The following ZNF12 variants were observed in gnomAD, a reference collection of about 807,000 sequenced individuals.
ZNF12 encodes the protein gonadotropin inducible transcription repressor 3.
ZNF12 carries 34 observed loss-of-function variants against 66.6 expected under a neutral mutation model. The ratio of observed to expected loss-of-function variants is 0.51; its 90% CI spans 0.39 to 0.68. The LOEUF (loss-of-function observed/expected upper bound fraction) is 0.68, where lower values mean the gene tolerates loss of function less well. ZNF12 is among the 30% of genes least tolerant of loss of function. ZNF12 has a pLI of 0.00. For missense variants in ZNF12, 697 were observed against 826.9 expected, an observed-to-expected ratio of 0.84 and a Z score of 1.93; for synonymous variants, 320 against 278.9, an observed-to-expected ratio of 1.15 and a Z score of -1.47.
chr7:6,698,007 A>G lies in ZNF12; in HGVS notation c.16-196T>C. The G allele has an allele frequency of 2.5e-6, 2 of 796,042 alleles. No individual in the cohort carries two copies. Among genetic ancestry groups the G allele is most frequent in the Non-Finnish European group, 4.4e-6 (2 of 450,426 alleles). The allele number at this position is 796,042 out of a possible 1,614,324, so 49.3% of individuals were successfully genotyped here. On this transcript the variant is annotated intron_variant, in intron 2 of 4. Transcript: ENST00000405858. This position sits in a 1 kb window ranked among gnomAD's most constrained non-coding sequence, Gnocchi z 4.4. ...CAGTATACATCAAACAAAAAACAAA[A>G]AACAAAAAAACAACACTGGGATTGC... is the stretch of plus-strand genomic sequence containing the variant.
intron 2 of ZNF12, among the ~76,000 whole-genome samples, chr7:6,703,421 A>G (rs1484422042): frequency 6.6e-6 from 1 of 152,226 alleles, no homozygotes; most frequent in Non-Finnish European, 1.5e-5. Context: ...GACAGGATAA[A>G]AACCATCTAG....
Position 6,698,136 on chromosome 7 carries a change from G to C in ZNF12, c.16-325C>G. On this transcript the variant is annotated intron_variant, in intron 2 of 4. Transcript: ENST00000405858. This position sits in a 1 kb window ranked among gnomAD's most constrained non-coding sequence, Gnocchi z 4.4. ...GCCTGGGGACACTCACAGAACCCCA[G>C]GATGCACTCTGCTTCTTTGCACATT... The C allele has an allele frequency of 1.9e-6, 1 of 520,694 alleles. No homozygotes were observed. Among genetic ancestry groups the C allele is most frequent in the East Asian group, 4.8e-5 (1 of 21,038 alleles). The allele number at this position is 520,694 out of a possible 1,614,324, so 32.3% of individuals were successfully genotyped here. A position where few individuals can be genotyped will look rare whatever the true frequency, so the allele number is the denominator to read the frequency against.
intron 2 of ZNF12, among the ~76,000 whole-genome samples, chr7:6,704,769 A>G (rs78321362): frequency 6.8e-6 from 1 of 146,438 alleles, no homozygotes; most frequent in Non-Finnish European, 1.5e-5. Context: ...AAAAAAAAAA[A>G]AAGAAAGGCA....
chr7:6,697,913 CT>C lies in ZNF12; in HGVS notation c.16-103del, dbSNP rs1253528110. 1.6e-6 allele frequency: 2 copies of C among 1,283,272 alleles called. No individual in the cohort carries two copies. Among genetic ancestry groups the C allele is most frequent in the African/African-American group, 2.9e-5 (2 of 68,270 alleles). The allele number at this position is 1,283,272 out of a possible 1,614,324, so 79.5% of individuals were successfully genotyped here. ...AAAATTAACCATGAACACTGTATACCTTTATTTTATGTTACAGACTGTCAAA... is the reference window on the plus strand; with the variant it reads ...AAAATTAACCATGAACACTGTATACCTTATTTTATGTTACAGACTGTCAAA... On this transcript the variant is annotated intron_variant, in intron 2 of 4. Coordinates refer to ENST00000405858, the MANE Select transcript of ZNF12 (RefSeq NM_016265.4). The surrounding 1 kb of genome is among the most constrained non-coding windows in gnomAD (Gnocchi z 6.1).
chr7:6,700,336 C>CACACAT (rs59783256), intron 2 of ZNF12, among the ~76,000 whole-genome samples: 82 of 143,068 alleles, frequency 5.7e-4, no homozygotes, highest in Admixed American at 1.7e-3. Context: ...CACACACACA[C>CACACAT]ATATATATAC....
intron 2 of ZNF12, among the ~76,000 whole-genome samples, chr7:6,700,659 G>C (rs1780226369): frequency 1.3e-5 from 2 of 152,068 alleles, no homozygotes; most frequent in South Asian, 4.1e-4. Flanking sequence ...TTTCAAATTA[G>C]AAGGCTTGAA....
At position 6,692,683 on chromosome 7, in the gene ZNF12, C is replaced by G. The variant is rs750812603; in HGVS notation, c.259G>C (p.Asp87His). The G allele has an allele frequency of 6.3e-7, 1 of 1,580,880 alleles. No individual in the cohort carries two copies. Among genetic ancestry groups the G allele is most frequent in the East Asian group, 2.2e-5 (1 of 44,492 alleles). ...TCTTCCTGGATTCTCTCTATTAGGT[C>G]ATCAGTTTGCCAGACTTCATCTAAA... ...SYPDEVWQTD[D>H]LIERIQEEEN... Residue 87 changes from aspartate (D) to histidine (H), a missense_variant, in exon 5 of 5, where the codon GAC becomes CAC. By Grantham distance (81) the Asp-to-His change is moderately conservative. This residue lies in a region of ZNF12 where 241 missense variants were observed against 224.0 expected (regional missense o/e 1.08). Coordinates refer to ENST00000405858, the MANE Select transcript of ZNF12 (RefSeq NM_016265.4). The surrounding 1 kb of genome is among the most constrained non-coding windows in gnomAD (Gnocchi z 5.1).
Position 6,691,479 on chromosome 7 carries a change from G to T in ZNF12, c.1463C>A (p.Thr488Lys). Reference protein sequence around the residue: ...SALMRHQRVHTGEKPYECNEC... With the variant: ...SALMRHQRVHKGEKPYECNEC... ...ATTACATTCGTAAGGTTTCTCTCCT[G>T]TGTGCACTCTCTGATGTCTCATGAG... Residue 488 changes from threonine to lysine, a missense_variant, in exon 5 of 5, where the codon ACA becomes AAA. Around this residue, in one of 3 missense-constraint regions of ZNF12, gnomAD observed 401 missense variants for 519.0 expected, o/e 0.77. Transcript: ENST00000405858. The T allele has an allele frequency of 1.2e-6, 2 of 1,614,050 alleles. No individual in the cohort carries two copies. Among genetic ancestry groups the T allele is most frequent in the Non-Finnish European group, 1.7e-6 (2 of 1,179,988 alleles).
Position 6,706,728 on chromosome 7 carries a change from G to A in ZNF12, c.-347C>T. The A allele has an allele frequency of 8.2e-6, 2 of 243,506 alleles. No homozygotes were observed. The highest frequency in any genetic ancestry group is 7.7e-5 in the South Asian group (2 of 26,118). 15.1% of individuals were successfully genotyped at this position (243,506 alleles called of 1,614,324 possible). A position where few individuals can be genotyped will look rare whatever the true frequency, so the allele number is the denominator to read the frequency against. ...TTCGCCTCCGCCGTCGTCACCGCCC[G>A]GCCGGCCCCTTGGGCCCCAGCGCCG... is the stretch of plus-strand genomic sequence containing the variant. On this transcript the variant is annotated 5_prime_UTR_variant, in exon 1 of 5. Coordinates refer to ENST00000405858, the MANE Select transcript of ZNF12 (RefSeq NM_016265.4).
At position 6,706,499 on chromosome 7, in the gene ZNF12, C is replaced by T. The variant is rs768377375; in HGVS notation, c.-118G>A. ...GCCGGGGCGGGATTGCTGTCGCGGG[C>T]GCGCGTCTGCTCGCGAGGTCCCTTC... On this transcript the variant is annotated 5_prime_UTR_variant, in exon 1 of 5. Coordinates refer to ENST00000405858, the MANE Select transcript of ZNF12 (RefSeq NM_016265.4). 6.4e-6 allele frequency: 3 copies of T among 470,800 alleles called. No homozygotes were observed. Among genetic ancestry groups the T allele is most frequent in the South Asian group, 1.5e-5 (1 of 65,628 alleles). 29.2% of individuals were successfully genotyped at this position (470,800 alleles called of 1,614,324 possible).
rs1447509092 is a variant in ZNF12, at chr7:6,691,260, A to G, written c.1682T>C (p.Met561Thr). 1 of 1,613,868 alleles carries G rather than the reference A, an allele frequency of 6.2e-7. No homozygotes were observed. Reference protein sequence around the residue: ...CYICGKFFSQMSYLTIHHRIH... With the variant: ...CYICGKFFSQTSYLTIHHRIH... ...TCTATGATGTATAGTGAGGTATGAC[A>G]TCTGAGAGAAGAATTTTCCACATAT... Residue 561 changes from methionine to threonine, a missense_variant, in exon 5 of 5, where the codon ATG becomes ACG. Around this residue, in one of 3 missense-constraint regions of ZNF12, gnomAD observed 401 missense variants for 519.0 expected, o/e 0.77. Transcript: ENST00000405858.
In ZNF12 at chr7:6,691,947, T is replaced by C; in HGVS notation, c.995A>G (p.Lys332Arg). The C allele has an allele frequency of 6.2e-7, 1 of 1,614,186 alleles. No homozygotes were observed. The highest frequency in any genetic ancestry group is 8.5e-7 in the Non-Finnish European group (1 of 1,180,022). Residue 332 changes from lysine (K) to arginine (R), a missense_variant, in exon 5 of 5, where the codon AAG becomes AGG. Around this residue, in one of 3 missense-constraint regions of ZNF12, gnomAD observed 401 missense variants for 519.0 expected, o/e 0.77. Coordinates refer to ENST00000405858, the MANE Select transcript of ZNF12 (RefSeq NM_016265.4). Reference sequence around the variant, plus strand: ...GAGGTGTAACTTCTGGTAAAAGTTCTTCCCACATTCATTACATTCATAGGG... The same window carrying C: ...GAGGTGTAACTTCTGGTAAAAGTTCCTCCCACATTCATTACATTCATAGGG... ...EKPYECNECG[K>R]NFYQKLHLIQ...
Position 6,705,580 on chromosome 7 carries a change from G to A in ZNF12, c.-50-357C>T, listed in dbSNP as rs1377985742. ...GTAAAAATACAAAAATTAGCTGGGC[G>A]TGGTGGCGGGCGCCTGTAACCCCAG... On this transcript the variant is annotated intron_variant, in intron 1 of 4. Coordinates refer to ENST00000405858, the MANE Select transcript of ZNF12 (RefSeq NM_016265.4). The surrounding 1 kb of genome is among the most constrained non-coding windows in gnomAD (Gnocchi z 4.0). Among the ~76,000 whole-genome samples the A allele has an allele frequency of 4.6e-5, 7 of 152,218 alleles. No homozygotes were observed. The highest frequency in any genetic ancestry group is 1.9e-4 in the East Asian group (1 of 5,182).
chr7:6,705,507 A>C lies in ZNF12; in HGVS notation c.-50-284T>G, dbSNP rs1396667872. 2.0e-5 allele frequency among the ~76,000 whole-genome samples: 3 copies of C among 152,208 alleles called. No individual in the cohort carries two copies. The highest frequency in any genetic ancestry group is 2.0e-4 in the Admixed American group (3 of 15,276). On this transcript the variant is annotated intron_variant, in intron 1 of 4. Coordinates refer to ENST00000405858, the MANE Select transcript of ZNF12 (RefSeq NM_016265.4). The surrounding 1 kb of genome is among the most constrained non-coding windows in gnomAD (Gnocchi z 4.0). ...CCATCATTAAATGCAAGATTTAAAA[A>C]GGAATTCTGGTGACCAGCCTGGCCA...
In ZNF12 at chr7:6,692,096, T is replaced by A. The variant is rs1342079717; in HGVS notation, c.846A>T (p.Ser282=). 5 of 1,613,972 alleles carry A rather than the reference T, an allele frequency of 3.1e-6. No homozygotes were observed. In the African/African-American group the frequency reaches 6.7e-5, roughly 22 times the overall value. Residue 282 remains serine (S), a synonymous_variant, in exon 5 of 5, where the codon TCA becomes TCT. Coordinates refer to ENST00000405858, the MANE Select transcript of ZNF12 (RefSeq NM_016265.4). This position sits in a 1 kb window ranked among gnomAD's most constrained non-coding sequence, Gnocchi z 5.1. ...GAGTCCTCTGATGTATAATAAATTT[T>A]GACTTTTTACAGAAGGATTTCCCAC... ...SECGKSFCKK[S]KFIIHQRTHT...
At chr7:6,704,839 A>T (rs1310981148) in intron 2 of ZNF12, among the ~76,000 whole-genome samples, 3 of 151,666 alleles carry the variant, frequency 2.0e-5, no homozygotes, top group Non-Finnish European at 4.4e-5. Context: ...ATCTCAGAGG[A>T]ATCTTTAAAA....
Position 6,696,474 on chromosome 7 carries a change from A to G in ZNF12, c.238+865T>C, listed in dbSNP as rs57392616. On this transcript the variant is annotated intron_variant, in intron 4 of 4. Coordinates refer to ENST00000405858, the MANE Select transcript of ZNF12 (RefSeq NM_016265.4). This position sits in a 1 kb window ranked among gnomAD's most constrained non-coding sequence, Gnocchi z 4.0. ...AATACCAGACTAGAGCCCAGGCTCAATGGTGGTAGAGATGTCATCCTGGGT... is the reference window on the plus strand; with the variant it reads ...AATACCAGACTAGAGCCCAGGCTCAGTGGTGGTAGAGATGTCATCCTGGGT... Among the ~76,000 whole-genome samples, 2 of 152,258 alleles carry G rather than the reference A, an allele frequency of 1.3e-5. No homozygotes were observed. The highest frequency in any genetic ancestry group is 1.9e-4 in the East Asian group (1 of 5,182).
chr7:6,706,624 C>T lies in ZNF12; in HGVS notation c.-243G>A, dbSNP rs1451066388. 1 of 442,206 alleles carries T rather than the reference C, an allele frequency of 2.3e-6. No individual in the cohort carries two copies. The highest frequency in any genetic ancestry group is 2.0e-5 in the African/African-American group (1 of 49,372). 27.4% of individuals were successfully genotyped at this position (442,206 alleles called of 1,614,324 possible). A position where few individuals can be genotyped will look rare whatever the true frequency, so the allele number is the denominator to read the frequency against. The stretch of plus-strand genomic sequence containing the variant: ...TCCCTCCCGGAGCCCAGATCCGTCT[C>T]CCTGGGGCTCACCGTCCTGCGGAGC... On this transcript the variant is annotated 5_prime_UTR_variant, in exon 1 of 5. Coordinates refer to ENST00000405858, the MANE Select transcript of ZNF12 (RefSeq NM_016265.4).
In ZNF12 at chr7:6,705,534, C is replaced by T. The variant is rs1193458047; in HGVS notation, c.-50-311G>A. On this transcript the variant is annotated intron_variant, in intron 1 of 4. Transcript: ENST00000405858. This position sits in a 1 kb window ranked among gnomAD's most constrained non-coding sequence, Gnocchi z 4.0. ...GAATTCTGGTGACCAGCCTGGCCAACATGGTGAAACCCCATGTCTAGTAAA... is the reference window on the plus strand; with the variant it reads ...GAATTCTGGTGACCAGCCTGGCCAATATGGTGAAACCCCATGTCTAGTAAA... Among the ~76,000 whole-genome samples the T allele has an allele frequency of 1.3e-5, 2 of 152,198 alleles. No homozygotes were observed. The highest frequency in any genetic ancestry group is 4.8e-5 in the African/African-American group (2 of 41,454).
Sources: gnomAD v4.1 joint callset for allele counts (sites outside exome capture counted in the v4.1 genomes callset) on GRCh38, gnomAD v4.1.1 for gene constraint, gnomAD v4.1.1 regional missense constraint, Gnocchi (gnomAD v3.1) non-coding constraint, MANE v1.5 for transcripts, NCBI Gene and HGNC (gene_info 2026-07-23, HGNC 2026-07-21) for gene names.